The following H4C5 variants were observed in gnomAD, a reference collection of about 807,000 sequenced individuals.
H4C5 encodes histone H4.
Under a neutral mutation model 5.3 loss-of-function variants are expected in H4C5, and 15 were observed. That is an observed-to-expected ratio of 2.84 (90% CI 1.90 to 4.37). The LOEUF is 4.37. Ranked by LOEUF, H4C5 falls within the 30% of genes most tolerant of loss-of-function variation. H4C5 has a pLI of 0.00. For synonymous variants in H4C5, 154 were observed against 56.9 expected (o/e 2.71, Z -7.68); for missense variants, 153 against 145.7 (o/e 1.05, Z -0.26).
rs555764847 is a variant in H4C5, at chr6:26,204,803, G to C, written c.159G>C (p.Glu53Asp). The C allele has an allele frequency of 6.2e-7, 1 of 1,614,162 alleles. No individual in the cohort carries two copies. The highest frequency in any genetic ancestry group is 2.2e-5 in the East Asian group (1 of 44,886). The change falls in exon 1 of 1, where the codon GAG (glutamate) becomes GAC (aspartate). Residue 53 changes from glutamate (E) to aspartate (D), a missense_variant. By Grantham distance (45) the Glu-to-Asp change is conservative. Transcript: ENST00000615164. Reference protein sequence around the residue: ...GVKRISGLIYEETRGVLKVFL... With the variant: ...GVKRISGLIYDETRGVLKVFL... ...AGCGCATTTCTGGTCTCATCTACGA[G>C]GAGACTCGCGGGGTTCTGAAGGTGT...
Position 26,204,764 on chromosome 6 carries a change from T to G in H4C5, c.120T>G (p.Arg40=). 1 of 1,614,164 alleles carries G rather than the reference T, an allele frequency of 6.2e-7. No homozygotes were observed. Among genetic ancestry groups the G allele is most frequent in the Non-Finnish European group, 8.5e-7 (1 of 1,180,026 alleles). ...AGCCTGCCATCCGGCGCCTTGCTCG[T>G]CGCGGGGGTGTCAAGCGCATTTCTG... ...ITKPAIRRLA[R]RGGVKRISGL... is the part of the protein sequence containing the mutation. Residue 40 remains arginine, a synonymous_variant, in exon 1 of 1, where the codon CGT becomes CGG. Transcript: ENST00000615164.
chr6:26,204,776 C>G lies in H4C5; in HGVS notation c.132C>G (p.Val44=), dbSNP rs751441480. The part of the protein sequence containing the change: ...AIRRLARRGG[V]KRISGLIYEE... ...GGCGCCTTGCTCGTCGCGGGGGTGTCAAGCGCATTTCTGGTCTCATCTACG... is the reference window on the plus strand; with the variant it reads ...GGCGCCTTGCTCGTCGCGGGGGTGTGAAGCGCATTTCTGGTCTCATCTACG... The change falls in exon 1 of 1, where the codon GTC becomes GTG. Residue 44 remains valine (V), a synonymous_variant. Coordinates refer to ENST00000615164, the MANE Select transcript of H4C5 (RefSeq NM_003545.4). The G allele has an allele frequency of 1.2e-6, 2 of 1,614,026 alleles. No individual in the cohort carries two copies. The highest frequency in any genetic ancestry group is 1.7e-6 in the Non-Finnish European group (2 of 1,180,024).
At position 26,204,914 on chromosome 6, in the gene H4C5, G is replaced by T. The variant is rs1765199603; in HGVS notation, c.270G>T (p.Ala90=). 1.2e-6 allele frequency: 2 copies of T among 1,613,118 alleles called. No individual in the cohort carries two copies. Among genetic ancestry groups the T allele is most frequent in the Non-Finnish European group, 1.7e-6 (2 of 1,179,248 alleles). Residue 90 remains alanine (A), a synonymous_variant, in exon 1 of 1, where the codon GCG becomes GCT. Coordinates refer to ENST00000615164, the MANE Select transcript of H4C5 (RefSeq NM_003545.4). The part of the protein sequence containing the change: ...KTVTAMDVVY[A]LKRQGRTLYG... ...TGACAGCGATGGATGTGGTCTACGC[G>T]CTGAAGAGACAGGGACGCACTCTTT...
rs1765195449 is a variant in H4C5 at position 26,204,818 on chromosome 6, T to C, written c.174T>C (p.Val58=). ...SGLIYEETRG[V]LKVFLENVIR... ...TCATCTACGAGGAGACTCGCGGGGT[T>C]CTGAAGGTGTTTCTGGAAAACGTGA... The change falls in exon 1 of 1, where the codon GTT becomes GTC. Residue 58 remains valine, a synonymous_variant. Coordinates refer to ENST00000615164, the MANE Select transcript of H4C5 (RefSeq NM_003545.4). 1 of 1,614,198 alleles carries C rather than the reference T, an allele frequency of 6.2e-7. No individual in the cohort carries two copies. The highest frequency in any genetic ancestry group is 8.5e-7 in the Non-Finnish European group (1 of 1,180,030).
rs201889588 is a variant in H4C5 at position 26,204,846 on chromosome 6, C to G, written c.202C>G (p.Arg68Gly). The G allele has an allele frequency of 1.2e-6, 2 of 1,614,146 alleles. No individual in the cohort carries two copies. Among genetic ancestry groups the G allele is most frequent in the East Asian group, 2.2e-5 (1 of 44,882 alleles). Residue 68 changes from arginine to glycine, a missense_variant, in exon 1 of 1, where the codon CGT (arginine) becomes GGT (glycine). Arg to Gly is a moderately radical substitution (Grantham distance 125). Transcript: ENST00000615164. ...VLKVFLENVIRDAVTYTEHAK... is the reference protein window; with the variant it reads ...VLKVFLENVIGDAVTYTEHAK... ...GAAGGTGTTTCTGGAAAACGTGATT[C>G]GTGATGCTGTGACTTACACGGAGCA...
chr6:26,204,696 C>T lies in H4C5; in HGVS notation c.52C>T (p.Arg18Cys), dbSNP rs776145717. The T allele has an allele frequency of 3.1e-6, 5 of 1,613,628 alleles. No homozygotes were observed. Among genetic ancestry groups the T allele is most frequent in the Non-Finnish European group, 3.4e-6 (4 of 1,179,712 alleles). The change falls in exon 1 of 1, where the codon CGT (arginine) becomes TGT (cysteine). Residue 18 changes from arginine (R) to cysteine (C), a missense_variant. Physicochemically the swap from Arg to Cys is radical, Grantham distance 180. Coordinates refer to ENST00000615164, the MANE Select transcript of H4C5 (RefSeq NM_003545.4). ...GKGLGKGGAK[R>C]HRKVLRDNIQ... is the part of the protein sequence containing the mutation. ...GGGACTGGGTAAAGGAGGCGCTAAG[C>T]GTCACCGTAAGGTCCTGCGAGATAA... is the stretch of plus-strand genomic sequence containing the variant.
rs745509791 is a variant in H4C5, at chr6:26,204,880, G to A, written c.236G>A (p.Arg79His). 4 of 1,614,032 alleles carry A rather than the reference G, an allele frequency of 2.5e-6. No homozygotes were observed. Among genetic ancestry groups the A allele is most frequent in the Admixed American group, 1.7e-5 (1 of 60,000 alleles). Residue 79 changes from arginine (R) to histidine (H), a missense_variant, in exon 1 of 1, where the codon CGC becomes CAC. Coordinates refer to ENST00000615164, the MANE Select transcript of H4C5 (RefSeq NM_003545.4). ...GTGACTTACACGGAGCACGCCAAACGCAAGACAGTGACAGCGATGGATGTG... is the reference window on the plus strand; with the variant it reads ...GTGACTTACACGGAGCACGCCAAACACAAGACAGTGACAGCGATGGATGTG... ...DAVTYTEHAKRKTVTAMDVVY... is the reference protein window; with the variant it reads ...DAVTYTEHAKHKTVTAMDVVY...
chr6:26,204,635 T>TG lies in H4C5; in HGVS notation c.-9dup, dbSNP rs1765186907. The TG allele has an allele frequency of 1.3e-6, 2 of 1,563,084 alleles. No individual in the cohort carries two copies. Among genetic ancestry groups the TG allele is most frequent in the Non-Finnish European group, 1.7e-6 (2 of 1,148,494 alleles). ...AGATTTTTGCGGCTATTTTCGTTGGTGTGTTGGTCATGTCTGGTCGCGGCA... is the reference window on the plus strand; with the variant it reads ...AGATTTTTGCGGCTATTTTCGTTGGTGGTGTTGGTCATGTCTGGTCGCGGCA... On this transcript the variant is annotated 5_prime_UTR_variant, in exon 1 of 1. Transcript: ENST00000615164.
chr6:26,204,770 G>C lies in H4C5; in HGVS notation c.126G>C (p.Gly42=). The C allele has an allele frequency of 6.2e-7, 1 of 1,614,182 alleles. No individual in the cohort carries two copies. The stretch of plus-strand genomic sequence containing the variant: ...CCATCCGGCGCCTTGCTCGTCGCGG[G>C]GGTGTCAAGCGCATTTCTGGTCTCA... The part of the protein sequence containing the change: ...KPAIRRLARR[G]GVKRISGLIY... Residue 42 remains glycine (G), a synonymous_variant, in exon 1 of 1, where the codon GGG becomes GGC. Coordinates refer to ENST00000615164, the MANE Select transcript of H4C5 (RefSeq NM_003545.4).
In H4C5 at chr6:26,205,009, T is replaced by C. The variant is rs1765204116; in HGVS notation, c.*53T>C. On this transcript the variant is annotated 3_prime_UTR_variant, in exon 1 of 1. Transcript: ENST00000615164. ...CGACTTCCCAAATCAAAGGCCCTTT[T>C]CAGGGCCGCCCACAGTTTTCCGCAA... 1 of 1,538,964 alleles carries C rather than the reference T, an allele frequency of 6.5e-7. No homozygotes were observed. Among genetic ancestry groups the C allele is most frequent in the East Asian group, 2.3e-5 (1 of 44,066 alleles).
Position 26,204,756 on chromosome 6 carries a change from CTTGCTCG to C in H4C5, c.114_120del (p.Arg40GlyfsTer18). Reference sequence around the variant, plus strand: ...CATTACCAAGCCTGCCATCCGGCGCCTTGCTCGTCGCGGGGGTGTCAAGCGCATTTCT... The same window carrying C: ...CATTACCAAGCCTGCCATCCGGCGCCTCGCGGGGGTGTCAAGCGCATTTCT... On this transcript the variant is annotated frameshift_variant, in exon 1 of 1. Transcript: ENST00000615164. LOFTEE classifies it high-confidence loss of function. 6.2e-7 allele frequency: 1 copy of C among 1,614,192 alleles called. No homozygotes were observed. The highest frequency in any genetic ancestry group is 8.5e-7 in the Non-Finnish European group (1 of 1,180,040).
In H4C5 at chr6:26,204,977, A is replaced by G; in HGVS notation, c.*21A>G. The G allele has an allele frequency of 1.9e-6, 3 of 1,585,138 alleles. No individual in the cohort carries two copies. The highest frequency in any genetic ancestry group is 1.3e-5 in the African/African-American group (1 of 74,374). On this transcript the variant is annotated 3_prime_UTR_variant, in exon 1 of 1. Transcript: ENST00000615164. ...GCTAATGCTACCGCTTAAACGACTC[A>G]GCATCTCGACTTCCCAAATCAAAGG...
Position 26,204,679 on chromosome 6 carries a change from G to T in H4C5, c.35G>T (p.Gly12Val), listed in dbSNP as rs143652738. ...CGCGGCAAAGGCGGAAAGGGACTGGGTAAAGGAGGCGCTAAGCGTCACCGT... is the reference window on the plus strand; with the variant it reads ...CGCGGCAAAGGCGGAAAGGGACTGGTTAAAGGAGGCGCTAAGCGTCACCGT... ...SGRGKGGKGL[G>V]KGGAKRHRKV... Residue 12 changes from glycine to valine, a missense_variant, in exon 1 of 1, where the codon GGT (glycine) becomes GTT (valine). By Grantham distance (109) the Gly-to-Val change is moderately radical (BLOSUM62 -3). Coordinates refer to ENST00000615164, the MANE Select transcript of H4C5 (RefSeq NM_003545.4). 2 of 1,612,876 alleles carry T rather than the reference G, an allele frequency of 1.2e-6. No individual in the cohort carries two copies. The highest frequency in any genetic ancestry group is 1.3e-5 in the African/African-American group (1 of 75,016).
Position 26,204,710 on chromosome 6 carries a change from C to A in H4C5, c.66C>A (p.Val22=). ...GKGGAKRHRK[V]LRDNIQGITK... ...GAGGCGCTAAGCGTCACCGTAAGGT[C>A]CTGCGAGATAACATCCAGGGCATTA... The change falls in exon 1 of 1, where the codon GTC becomes GTA. Residue 22 remains valine, a synonymous_variant. Coordinates refer to ENST00000615164, the MANE Select transcript of H4C5 (RefSeq NM_003545.4). 1 of 1,614,112 alleles carries A rather than the reference C, an allele frequency of 6.2e-7. No individual in the cohort carries two copies. The highest frequency in any genetic ancestry group is 8.5e-7 in the Non-Finnish European group (1 of 1,180,018).
rs774516460 is a variant in H4C5 at position 26,204,633 on chromosome 6, G to A, written c.-12G>A. 3 of 1,548,540 alleles carry A rather than the reference G, an allele frequency of 1.9e-6. No homozygotes were observed. Among genetic ancestry groups the A allele is most frequent in the East Asian group, 2.3e-5 (1 of 43,578 alleles). Reference sequence around the variant, plus strand: ...TCAGATTTTTGCGGCTATTTTCGTTGGTGTGTTGGTCATGTCTGGTCGCGG... The same window carrying A: ...TCAGATTTTTGCGGCTATTTTCGTTAGTGTGTTGGTCATGTCTGGTCGCGG... On this transcript the variant is annotated 5_prime_UTR_variant, in exon 1 of 1. Transcript: ENST00000615164.
Position 26,204,819 on chromosome 6 carries a change from C to G in H4C5, c.175C>G (p.Leu59Val), listed in dbSNP as rs775041888. 6.2e-7 allele frequency: 1 copy of G among 1,614,026 alleles called. No individual in the cohort carries two copies. The highest frequency in any genetic ancestry group is 1.1e-5 in the South Asian group (1 of 91,086). Residue 59 changes from leucine (L) to valine (V), a missense_variant, in exon 1 of 1, where the codon CTG (leucine) becomes GTG (valine). Physicochemically the swap from Leu to Val is conservative, Grantham distance 32 (BLOSUM62 1). Transcript: ENST00000615164. Reference sequence around the variant, plus strand: ...CATCTACGAGGAGACTCGCGGGGTTCTGAAGGTGTTTCTGGAAAACGTGAT... The same window carrying G: ...CATCTACGAGGAGACTCGCGGGGTTGTGAAGGTGTTTCTGGAAAACGTGAT... ...GLIYEETRGV[L>V]KVFLENVIRD... is the part of the protein sequence containing the mutation.
chr6:26,204,737 C>A lies in H4C5; in HGVS notation c.93C>A (p.Thr31=), dbSNP rs763587341. The A allele has an allele frequency of 6.2e-7, 1 of 1,614,082 alleles. No individual in the cohort carries two copies. The highest frequency in any genetic ancestry group is 1.7e-5 in the Admixed American group (1 of 60,014). ...KVLRDNIQGI[T]KPAIRRLARR... ...TGCGAGATAACATCCAGGGCATTAC[C>A]AAGCCTGCCATCCGGCGCCTTGCTC... The change falls in exon 1 of 1, where the codon ACC becomes ACA. Residue 31 remains threonine, a synonymous_variant. Coordinates refer to ENST00000615164, the MANE Select transcript of H4C5 (RefSeq NM_003545.4).
chr6:26,204,632 T>A lies in H4C5; in HGVS notation c.-13T>A, dbSNP rs1480343079. ...TTCAGATTTTTGCGGCTATTTTCGTTGGTGTGTTGGTCATGTCTGGTCGCG... is the reference window on the plus strand; with the variant it reads ...TTCAGATTTTTGCGGCTATTTTCGTAGGTGTGTTGGTCATGTCTGGTCGCG... On this transcript the variant is annotated 5_prime_UTR_variant, in exon 1 of 1. Transcript: ENST00000615164. 2 of 1,559,204 alleles carry A rather than the reference T, an allele frequency of 1.3e-6. No individual in the cohort carries two copies. The highest frequency in any genetic ancestry group is 1.2e-5 in the South Asian group (1 of 86,550).
Position 26,204,974 on chromosome 6 carries a change from C to G in H4C5, c.*18C>G, listed in dbSNP as rs373404672. On this transcript the variant is annotated 3_prime_UTR_variant, in exon 1 of 1. Coordinates refer to ENST00000615164, the MANE Select transcript of H4C5 (RefSeq NM_003545.4). The stretch of plus-strand genomic sequence containing the variant: ...GCGGCTAATGCTACCGCTTAAACGA[C>G]TCAGCATCTCGACTTCCCAAATCAA... 3 of 1,586,144 alleles carry G rather than the reference C, an allele frequency of 1.9e-6. No individual in the cohort carries two copies. The highest frequency in any genetic ancestry group is 2.7e-5 in the African/African-American group (2 of 74,382).
Sources: gnomAD v4.1 joint callset for allele counts on GRCh38, gnomAD v4.1.1 for gene constraint, MANE v1.5 for transcripts, NCBI Gene and HGNC (gene_info 2026-07-23, HGNC 2026-07-21) for gene names.